The following EPHA6 variants were observed in gnomAD, a reference collection of about 807,000 sequenced individuals.
The protein encoded by EPHA6 is ephrin type-A receptor 6.
EPHA6 carries 50 observed loss-of-function variants against 112.0 expected under a neutral mutation model. That is an observed-to-expected ratio of 0.45 (90% CI 0.36 to 0.56). The LOEUF (loss-of-function observed/expected upper bound fraction) is 0.56, where lower values mean the gene tolerates loss of function less well. Ranked by LOEUF, EPHA6 falls within the 20% of genes least tolerant of loss-of-function variation. The probability of loss-of-function intolerance (pLI) is 0.00; values close to 1 mark genes in which losing one functional copy is unlikely to be tolerated. For synonymous variants in EPHA6, 529 were observed against 490.7 expected (o/e 1.08, Z -1.03); for missense variants, 1,280 against 1,417.4 (o/e 0.90, Z 1.56).
intron 5 of EPHA6, among the ~76,000 whole-genome samples, chr3:97,275,113 C>T (rs565439480): frequency 8.2e-4 from 125 of 152,262 alleles, no homozygotes; most frequent in African/African-American, 2.8e-3. Context: ...GTTGTTTGGA[C>T]AGAAAGGCTA....
At chr3:97,107,772 A>G (rs1402036985) in intron 3 of EPHA6, among the ~76,000 whole-genome samples, 2 of 152,292 alleles carry the variant, frequency 1.3e-5, no homozygotes, top group East Asian at 1.9e-4. Context: ...GAGAATAAAT[A>G]TAGCATATGC....
intron 3 of EPHA6, among the ~76,000 whole-genome samples, chr3:97,052,173 A>G (rs1038934930): frequency 6.6e-6 from 1 of 152,088 alleles, no homozygotes; most frequent in African/African-American, 2.4e-5. Context: ...CTGGCTCTAC[A>G]GTGCACACTG....
rs112945794 is a variant in EPHA6, at chr3:97,026,674, A to G, written c.1114+38681A>G. ...TCAAAAGAAGACATACATGTGGCCA[A>G]TAGAAAGAAAGCTCAACATCACCAG... is the stretch of plus-strand genomic sequence containing the variant. On this transcript the variant is annotated intron_variant, in intron 3 of 17. Coordinates refer to ENST00000389672, the MANE Select transcript of EPHA6 (RefSeq NM_001080448.3). 5.3e-3 allele frequency among the ~76,000 whole-genome samples: 808 copies of G among 152,298 alleles called. 6 individuals are homozygous for G. The highest frequency in any genetic ancestry group is 0.018 in the African/African-American group (729 of 41,562).
chr3:97,416,716 G>C (rs1047190546), intron 6 of EPHA6, among the ~76,000 whole-genome samples: 3 of 152,044 alleles, frequency 2.0e-5, no homozygotes, highest in Non-Finnish European at 4.4e-5. Context: ...CATTAGGAAT[G>C]ATATTAAAAT....
At chr3:97,363,234 A>C (rs188614835) in intron 5 of EPHA6, among the ~76,000 whole-genome samples, 13,266 of 84,202 alleles carry the variant, frequency 0.16, 3,294 homozygotes, top group African/African-American at 0.46. Flanking sequence ...ATATATATAT[A>C]TATAAATCTC....
intron 3 of EPHA6, among the ~76,000 whole-genome samples, chr3:97,108,957 C>T (rs931302932): frequency 6.6e-6 from 1 of 152,104 alleles, no homozygotes; most frequent in African/African-American, 2.4e-5. Context: ...ATTCCAGTGG[C>T]ATGTACAACA....
At chr3:97,550,355 T>C (rs1438406448) in intron 11 of EPHA6, among the ~76,000 whole-genome samples, 6 of 152,240 alleles carry the variant, frequency 3.9e-5, no homozygotes, top group Non-Finnish European at 7.3e-5. Flanking sequence ...GGAGAAATGC[T>C]GTGTGGAAAT....
At chr3:97,273,820 C>A (rs1238658095) in intron 5 of EPHA6, among the ~76,000 whole-genome samples, 1 of 152,098 alleles carries the variant, frequency 6.6e-6, no homozygotes, top group South Asian at 2.1e-4. Context: ...AAGAAATGAC[C>A]GCAGTGGCCT....
At chr3:96,819,911 AT>A (rs1222200086) in intron 1 of EPHA6, among the ~76,000 whole-genome samples, 2 of 152,118 alleles carry the variant, frequency 1.3e-5, no homozygotes, top group Non-Finnish European at 1.5e-5. Context: ...AAAATTATAT[AT>A]GGATGAAGCA....
chr3:96,946,735 T>C (rs1016828151), intron 2 of EPHA6, among the ~76,000 whole-genome samples: 2 of 152,194 alleles, frequency 1.3e-5, no homozygotes, highest in East Asian at 1.9e-4. Context: ...TTCTAGATCC[T>C]TGAGGAATCG....
chr3:97,410,772 G>T lies in EPHA6; in HGVS notation c.1731+5498G>T, dbSNP rs546517129. Among the ~76,000 whole-genome samples the T allele has an allele frequency of 2.0e-5, 3 of 152,128 alleles. No individual in the cohort carries two copies. In the South Asian group the frequency reaches 6.2e-4, roughly 32 times the overall value. Reference sequence around the variant, plus strand: ...CTATGTGATTCCAGCATTCCTCTGAGTTGTCAGTCTCTAGAAGCCCTACTT... The same window carrying T: ...CTATGTGATTCCAGCATTCCTCTGATTTGTCAGTCTCTAGAAGCCCTACTT... On this transcript the variant is annotated intron_variant, in intron 6 of 17. Coordinates refer to ENST00000389672, the MANE Select transcript of EPHA6 (RefSeq NM_001080448.3).
At chr3:97,093,555 AAAAT>A (rs1056411432) in intron 3 of EPHA6, among the ~76,000 whole-genome samples, 1 of 152,178 alleles carries the variant, frequency 6.6e-6, no homozygotes, top group Non-Finnish European at 1.5e-5. Context: ...GTCTCAAAAA[AAAAT>A]AAAATAAAAA....
At chr3:97,131,840 C>G (rs909794785) in intron 3 of EPHA6, among the ~76,000 whole-genome samples, 1 of 152,108 alleles carries the variant, frequency 6.6e-6, no homozygotes, top group African/African-American at 2.4e-5. Context: ...CGTTATTATA[C>G]AGGTTGTATG....
chr3:97,187,257 G>T (rs184362377), intron 3 of EPHA6, among the ~76,000 whole-genome samples: 1 of 152,146 alleles, frequency 6.6e-6, no homozygotes, highest in East Asian at 1.9e-4. Flanking sequence ...AGAATAATGT[G>T]ATGGCTCTTG....
chr3:97,362,336 C>T (rs1370272657), intron 5 of EPHA6, among the ~76,000 whole-genome samples: 1 of 151,952 alleles, frequency 6.6e-6, no homozygotes, highest in African/African-American at 2.4e-5. Flanking sequence ...CATTATGGTT[C>T]TGTGATAAAA....
chr3:97,569,203 A>G (rs563801326), intron 11 of EPHA6, among the ~76,000 whole-genome samples: 1 of 152,250 alleles, frequency 6.6e-6, no homozygotes, highest in East Asian at 1.9e-4. Flanking sequence ...TTATTATTTT[A>G]TATGCATTTG....
chr3:97,581,262 G>A (rs560659876), intron 11 of EPHA6, among the ~76,000 whole-genome samples: 24 of 152,304 alleles, frequency 1.6e-4, no homozygotes, highest in African/African-American at 5.8e-4. Context: ...TATCAAGAGG[G>A]ACTTGACAGG....
chr3:97,207,654 A>G (rs10934836), intron 3 of EPHA6, among the ~76,000 whole-genome samples: 3,078 of 152,270 alleles, frequency 0.02, 99 homozygotes, highest in African/African-American at 0.069. Flanking sequence ...TATGTTTAAA[A>G]TATTTACACA....
chr3:97,108,405 C>T (rs541670687), intron 3 of EPHA6, among the ~76,000 whole-genome samples: 3 of 152,252 alleles, frequency 2.0e-5, no homozygotes, highest in Admixed American at 6.5e-5. Flanking sequence ...GGACAGAAAA[C>T]AACACAGAAT....
Sources: allele counts gnomAD v4.1 joint callset (sites outside exome capture counted in the v4.1 genomes callset), GRCh38; gene constraint gnomAD v4.1.1; transcripts MANE v1.5; gene names NCBI Gene and HGNC (gene_info 2026-07-23, HGNC 2026-07-21).